The following CTNNA2 variants were observed in gnomAD, a reference collection of about 807,000 sequenced individuals.
CTNNA2 encodes catenin alpha-2.
In CTNNA2, 42 loss-of-function variants were observed where a neutral mutation model predicts 101.0. That is an observed-to-expected ratio of 0.42 (90% CI 0.32 to 0.54). The LOEUF is 0.54. Ranked by LOEUF, CTNNA2 falls within the 20% of genes least tolerant of loss-of-function variation. The probability of loss-of-function intolerance (pLI) is 0.14; values close to 1 mark genes in which losing one functional copy is unlikely to be tolerated. For missense variants in CTNNA2, 871 were observed against 1,223.1 expected, an observed-to-expected ratio of 0.71 and a Z score of 4.29; for synonymous variants, 450 against 456.4, an observed-to-expected ratio of 0.99 and a Z score of 0.18.
chr2:80,220,003 A>G (rs1289504017), intron 7 of CTNNA2, among the ~76,000 whole-genome samples: 1 of 152,122 alleles, frequency 6.6e-6, no homozygotes, highest in Non-Finnish European at 1.5e-5. Context: ...CACAAAAACC[A>G]CAACCAACAA....
At chr2:79,751,170 T>C (rs948317474) in intron 3 of CTNNA2, among the ~76,000 whole-genome samples, 1 of 152,114 alleles carries the variant, frequency 6.6e-6, no homozygotes, top group Non-Finnish European at 1.5e-5. Flanking sequence ...ATTGCAGGTT[T>C]AAGATTGGTG....
At chr2:79,922,271 C>T (rs1574318835) in intron 7 of CTNNA2, among the ~76,000 whole-genome samples, 1 of 152,098 alleles carries the variant, frequency 6.6e-6, no homozygotes, top group Non-Finnish European at 1.5e-5. Flanking sequence ...AAGAAGACAT[C>T]ATTTGCATAT....
chr2:79,479,815 C>G (rs1024297469), intron 4 of CTNNA2, among the ~76,000 whole-genome samples: 14 of 151,890 alleles, frequency 9.2e-5, no homozygotes, highest in African/African-American at 3.4e-4. Context: ...CTCAGCTACT[C>G]CGGAGGCTGA....
intron 4 of CTNNA2, among the ~76,000 whole-genome samples, chr2:79,462,557 C>A (rs928864057): frequency 6.6e-6 from 1 of 152,104 alleles, no homozygotes; most frequent in Admixed American, 6.5e-5. Context: ...CCAGAGTATA[C>A]GACACAAAAA....
intron 12 of CTNNA2, among the ~76,000 whole-genome samples, chr2:80,561,623 TTAG>T (rs1299904275): frequency 6.6e-6 from 1 of 152,068 alleles, no homozygotes; most frequent in Non-Finnish European, 1.5e-5. Flanking sequence ...AGGAGCTTAT[TTAG>T]AAATTGGTGC....
intron 3 of CTNNA2, among the ~76,000 whole-genome samples, chr2:79,346,628 G>A (rs1324223537): frequency 6.6e-6 from 1 of 152,120 alleles, no homozygotes; most frequent in Non-Finnish European, 1.5e-5. Context: ...TATGTGATTA[G>A]GAAGATATTT....
At position 80,587,712 on chromosome 2, in the gene CTNNA2, T is replaced by G. The variant is rs908796958; in HGVS notation, c.2008-1592T>G. 9.2e-5 allele frequency among the ~76,000 whole-genome samples: 14 copies of G among 152,148 alleles called. 1 individual carries two copies. Among genetic ancestry groups the G allele is most frequent in the Admixed American group, 7.2e-4 (11 of 15,274 alleles). On this transcript the variant is annotated intron_variant, in intron 14 of 18. Transcript: ENST00000402739. Reference sequence around the variant, plus strand: ...TTTATAATTTAGGAAGCATTTTTCTTGTGTTATTTTACTTGTTCATTGCAG... The same window carrying G: ...TTTATAATTTAGGAAGCATTTTTCTGGTGTTATTTTACTTGTTCATTGCAG...
At chr2:79,683,020 G>T (rs77279325) in intron 2 of CTNNA2, among the ~76,000 whole-genome samples, 2,478 of 152,334 alleles carry the variant, frequency 0.016, 57 homozygotes, top group African/African-American at 0.048. Context: ...ATACATGCAG[G>T]TTGGTGGTTT....
At chr2:79,531,684 T>A (rs1183989230) in intron 1 of CTNNA2, among the ~76,000 whole-genome samples, 1 of 141,926 alleles carries the variant, frequency 7.0e-6, no homozygotes. Flanking sequence ...TGTTAGTAAA[T>A]TTTTTTTTTT....
In CTNNA2 at chr2:79,185,800, T is replaced by C. The variant is rs543011929; in HGVS notation, c.-524+369T>C. Among the ~76,000 whole-genome samples the C allele has an allele frequency of 2.6e-4, 39 of 152,198 alleles. 1 individual carries two copies. In the South Asian group the frequency reaches 7.9e-3, roughly 31 times the overall value. ...TTTGGGGATGTTAGATTGTGTTCTTTTGAGTTTCTTTTTTCTGATTTGGGA... is the reference window on the plus strand; with the variant it reads ...TTTGGGGATGTTAGATTGTGTTCTTCTGAGTTTCTTTTTTCTGATTTGGGA... On this transcript the variant is annotated intron_variant, in intron 1 of 21. Transcript: ENST00000466387.
In CTNNA2 at chr2:79,896,593, G is replaced by A. The variant is rs570523373; in HGVS notation, c.853-13001G>A. Among the ~76,000 whole-genome samples, 7 of 152,332 alleles carry A rather than the reference G, an allele frequency of 4.6e-5. No homozygotes were observed. The East Asian group carries it at 9.7e-4, about 21-fold the overall frequency. On this transcript the variant is annotated intron_variant, in intron 6 of 18. Transcript: ENST00000402739. ...TGTATGAAACATTCAGCTGGGTGGA[G>A]CAGAAGATACCGACCTATAAGGAAA...
rs555033951 is a variant in CTNNA2, at chr2:80,210,036, A to C, written c.1057-183175A>C. On this transcript the variant is annotated intron_variant, in intron 7 of 18. Transcript: ENST00000402739. The stretch of plus-strand genomic sequence containing the variant: ...TCCCTTGCAAGAATAAATATATGTA[A>C]ATACAATTTTTTCGATAGGATCCTA... Among the ~76,000 whole-genome samples, 3 of 152,262 alleles carry C rather than the reference A, an allele frequency of 2.0e-5. No homozygotes were observed. The South Asian group carries it at 6.2e-4, about 32-fold the overall frequency.
At chr2:79,882,523 G>T (rs1218020612) in intron 6 of CTNNA2, among the ~76,000 whole-genome samples, 1 of 152,210 alleles carries the variant, frequency 6.6e-6, no homozygotes, top group Non-Finnish European at 1.5e-5. Context: ...TGGGCTATGG[G>T]GAACAAGTCT....
chr2:80,149,027 T>A (rs768277710), intron 7 of CTNNA2, among the ~76,000 whole-genome samples: 5,989 of 147,674 alleles, frequency 0.041, 168 homozygotes, highest in Middle Eastern at 0.067. Context: ...TTTGTTATTT[T>A]TTTTTTTTTT....
At chr2:79,286,534 A>C (rs1305193005) in intron 2 of CTNNA2, among the ~76,000 whole-genome samples, 4 of 151,870 alleles carry the variant, frequency 2.6e-5, no homozygotes, top group Admixed American at 6.6e-5. Flanking sequence ...GCTGGATATG[A>C]AATTCTGGGT....
At chr2:79,609,004 A>T (rs922759989) in intron 1 of CTNNA2, among the ~76,000 whole-genome samples, 1 of 152,012 alleles carries the variant, frequency 6.6e-6, no homozygotes, top group African/African-American at 2.4e-5. Context: ...TCAAGGAAAA[A>T]TCTACTAGAA....
chr2:79,503,431 CAT>C (rs1671346543), intron 4 of CTNNA2, among the ~76,000 whole-genome samples: 7 of 152,174 alleles, frequency 4.6e-5, no homozygotes, highest in African/African-American at 1.7e-4. Flanking sequence ...TTCTGTACTA[CAT>C]TGCTTCTGAC....
intron 4 of CTNNA2, among the ~76,000 whole-genome samples, chr2:79,455,276 G>C (rs142566778): frequency 1.0e-3 from 156 of 152,242 alleles, no homozygotes; most frequent in Non-Finnish European, 1.8e-3. Flanking sequence ...TTGCTAAATA[G>C]CATATTTATA....
At chr2:79,187,595 G>A (rs1673798304) in intron 1 of CTNNA2, among the ~76,000 whole-genome samples, 1 of 152,176 alleles carries the variant, frequency 6.6e-6, no homozygotes, top group African/African-American at 2.4e-5. Flanking sequence ...TGAGTCATAT[G>A]TATTGGTAGC....
Sources: gnomAD v4.1 joint callset for allele counts (sites outside exome capture counted in the v4.1 genomes callset) on GRCh38, gnomAD v4.1.1 for gene constraint, MANE v1.5 for transcripts, NCBI Gene and HGNC (gene_info 2026-07-23, HGNC 2026-07-21) for gene names.